Variants in SPAG17 observed in about 807,000 individuals in gnomAD.
SPAG17 encodes sperm-associated antigen 17.
Under a neutral mutation model 273.6 loss-of-function variants are expected in SPAG17, and 169 were observed. The ratio of observed to expected loss-of-function variants is 0.62; its 90% CI spans 0.55 to 0.70. The LOEUF is 0.70. SPAG17 is among the 30% of genes least tolerant of loss of function. The probability of loss-of-function intolerance (pLI) is 0.00; values close to 1 mark genes in which losing one functional copy is unlikely to be tolerated. For missense variants in SPAG17, 2,557 were observed against 2,627.8 expected (o/e 0.97, Z 0.59); for synonymous variants, 825 against 873.2 (o/e 0.94, Z 0.97).
intron 4 of SPAG17, among the ~76,000 whole-genome samples, chr1:118,105,643 T>C (rs1463006692): frequency 1.3e-5 from 2 of 152,090 alleles, no homozygotes; most frequent in Admixed American, 6.6e-5. Flanking sequence ...GAAGAAATTA[T>C]GTAGGAGGAT....
intron 43 of SPAG17, among the ~76,000 whole-genome samples, chr1:117,975,530 A>G (rs902720233): frequency 2.6e-5 from 4 of 152,150 alleles, no homozygotes; most frequent in African/African-American, 7.2e-5. Context: ...AACTATAATG[A>G]GGGTCAGGGC....
intron 3 of SPAG17, among the ~76,000 whole-genome samples, chr1:118,130,572 G>A (rs779607297): frequency 3.9e-5 from 6 of 152,068 alleles, no homozygotes; most frequent in African/African-American, 7.2e-5. Context: ...TCAAGACTGC[G>A]GTAGAATGGC....
intron 30 of SPAG17, among the ~76,000 whole-genome samples, chr1:118,010,641 G>T (rs532723431): frequency 1.6e-4 from 24 of 152,224 alleles, no homozygotes; most frequent in African/African-American, 5.8e-4. Flanking sequence ...TACCATTCTA[G>T]ACGTAGCAAC....
intron 19 of SPAG17, among the ~76,000 whole-genome samples, chr1:118,054,850 T>C (rs532688769): frequency 3.7e-4 from 57 of 152,232 alleles, no homozygotes; most frequent in African/African-American, 1.3e-3. Flanking sequence ...CTTGCTTTTA[T>C]ATGGTTTACT....
intron 3 of SPAG17, among the ~76,000 whole-genome samples, chr1:118,142,474 A>G (rs1658734453): frequency 6.6e-6 from 1 of 152,178 alleles, no homozygotes; most frequent in Non-Finnish European, 1.5e-5. Context: ...TTTATGTTAC[A>G]TATTTTTACC....
intron 46 of SPAG17, among the ~76,000 whole-genome samples, chr1:117,969,445 G>A (rs1207483852): frequency 2.6e-5 from 4 of 152,104 alleles, no homozygotes; most frequent in Non-Finnish European, 4.4e-5. Context: ...CGGACGTGGT[G>A]GCATGCGCCT....
chr1:118,110,903 G>T (rs1288907048), intron 4 of SPAG17, among the ~76,000 whole-genome samples: 1 of 152,104 alleles, frequency 6.6e-6, no homozygotes, highest in African/African-American at 2.4e-5. Flanking sequence ...GACAGTTCTG[G>T]ATTTGAATCC....
At chr1:117,978,401 A>G (rs1254334619) in intron 43 of SPAG17, among the ~76,000 whole-genome samples, 1 of 152,178 alleles carries the variant, frequency 6.6e-6, no homozygotes, top group Non-Finnish European at 1.5e-5. Context: ...TTTTCCCCAG[A>G]TGCCATGTTC....
chr1:117,964,000 A>T (rs1653469340), intron 47 of SPAG17, 62 bp from the exon 48 acceptor site: 2 of 1,530,148 alleles, frequency 1.3e-6, no homozygotes. Context: ...ATAAACCTAA[A>T]TAACATTTTA....
chr1:118,171,037 T>C (rs558996527), intron 1 of SPAG17, among the ~76,000 whole-genome samples: 315 of 152,104 alleles, frequency 2.1e-3, no homozygotes, highest in African/African-American at 7.3e-3. Context: ...CCAAGATGAG[T>C]AGAAGTAAAG....
chr1:118,105,276 G>A (rs1367676635), intron 4 of SPAG17, among the ~76,000 whole-genome samples: 1 of 152,190 alleles, frequency 6.6e-6, no homozygotes, highest in African/African-American at 2.4e-5. Context: ...TCTTATGTCA[G>A]AGAGTGGGGG....
intron 3 of SPAG17, among the ~76,000 whole-genome samples, chr1:118,129,084 G>A (rs1301881298): frequency 1.3e-5 from 2 of 152,192 alleles, no homozygotes; most frequent in Non-Finnish European, 2.9e-5. Flanking sequence ...ACCTTCTTCG[G>A]GAAGCTGAAG....
At chr1:118,111,553 A>ACAC (rs6143395) in intron 4 of SPAG17, among the ~76,000 whole-genome samples, 45 of 135,928 alleles carry the variant, frequency 3.3e-4, no homozygotes, top group African/African-American at 1.2e-3. Flanking sequence ...CTTTTAAAAC[A>ACAC]ACACACACAC....
intron 3 of SPAG17, among the ~76,000 whole-genome samples, chr1:118,149,508 G>A (rs540394845): frequency 3.7e-4 from 57 of 152,114 alleles, no homozygotes; most frequent in African/African-American, 1.2e-3. Flanking sequence ...ACACACATTC[G>A]GAACATTATA....
chr1:118,007,600 A>G (rs911229898), intron 31 of SPAG17, among the ~76,000 whole-genome samples: 2 of 152,148 alleles, frequency 1.3e-5, no homozygotes, highest in African/African-American at 4.8e-5. Flanking sequence ...CACACACACC[A>G]TGTGCTCTGT....
chr1:118,081,716 C>T, intron 13 of SPAG17, 74 bp from the exon 14 acceptor site: 1 of 1,234,952 alleles, frequency 8.1e-7, no homozygotes, highest in Non-Finnish European at 1.2e-6. Context: ...AGAGGGATAA[C>T]CAGGGAGTCT....
intron 18 of SPAG17, among the ~76,000 whole-genome samples, chr1:118,059,199 T>C (rs1158951013): frequency 4.6e-5 from 7 of 152,142 alleles, no homozygotes; most frequent in South Asian, 4.1e-4. Flanking sequence ...GATCTCTTCA[T>C]ATTACCATTT....
intron 20 of SPAG17, among the ~76,000 whole-genome samples, chr1:118,051,795 CTA>C (rs897206917): frequency 5.9e-5 from 8 of 136,698 alleles, no homozygotes; most frequent in African/African-American, 1.9e-4. Context: ...AATATATAAA[CTA>C]TATAATATAT....
At chr1:118,145,782 T>C (rs1334804726) in intron 3 of SPAG17, among the ~76,000 whole-genome samples, 1 of 152,164 alleles carries the variant, frequency 6.6e-6, no homozygotes, top group Non-Finnish European at 1.5e-5. Flanking sequence ...TTTAGGATAG[T>C]TCAAGTTCTT....
Sources: gnomAD v4.1 joint callset for allele counts (sites outside exome capture counted in the v4.1 genomes callset) on GRCh38, gnomAD v4.1.1 for gene constraint, MANE v1.5 for transcripts, NCBI Gene and HGNC (gene_info 2026-07-23, HGNC 2026-07-21) for gene names.